COL8A1: variants seen among roughly 807,000 people sequenced by gnomAD.
COL8A1 encodes the protein collagen alpha-1(VIII) chain.
Under a neutral mutation model 42.7 loss-of-function variants are expected in COL8A1, and 21 were observed. That is an observed-to-expected ratio of 0.49 (90% confidence interval 0.35 to 0.71). COL8A1 has a LOEUF of 0.71. COL8A1 is among the 30% of genes least tolerant of loss of function. COL8A1 has a pLI of 0.01. For synonymous variants in COL8A1, 367 were observed against 369.1 expected, an observed-to-expected ratio of 0.99 and a Z score of 0.06; for missense variants, 788 against 962.4, an observed-to-expected ratio of 0.82 and a Z score of 2.40.
At chr3:99,744,627 CAA>C (rs913082899) in intron 1 of COL8A1, among the ~76,000 whole-genome samples, 1 of 152,096 alleles carries the variant, frequency 6.6e-6, no homozygotes, top group African/African-American at 2.4e-5. Flanking sequence ...GGCAAATGCC[CAA>C]AGTCTTTCCA....
intron 1 of COL8A1, among the ~76,000 whole-genome samples, chr3:99,729,346 C>T (rs964161400): frequency 4.6e-5 from 7 of 151,994 alleles, no homozygotes; most frequent in Admixed American, 4.6e-4. Flanking sequence ...AGATTTCATA[C>T]AAACTTCAGT....
intron 1 of COL8A1, among the ~76,000 whole-genome samples, chr3:99,659,155 T>C (rs34578241): frequency 0.095 from 14,474 of 152,264 alleles, 850 homozygotes; most frequent in Middle Eastern, 0.12. Context: ...CCCAGTTGCT[T>C]CACATGTAGT....
At chr3:99,789,662 C>G (rs1941962892) in intron 2 of COL8A1, among the ~76,000 whole-genome samples, 1 of 152,102 alleles carries the variant, frequency 6.6e-6, no homozygotes, top group African/African-American at 2.4e-5. Context: ...AACAGATAAG[C>G]CCCATTTATA....
chr3:99,708,115 T>G (rs1355810735), intron 1 of COL8A1, among the ~76,000 whole-genome samples: 4 of 152,134 alleles, frequency 2.6e-5, no homozygotes, highest in Non-Finnish European at 5.9e-5. Context: ...TCTGATTTCT[T>G]TTTTCTTTGG....
At chr3:99,687,142 C>T (rs540757289) in intron 1 of COL8A1, among the ~76,000 whole-genome samples, 131 of 152,314 alleles carry the variant, frequency 8.6e-4, no homozygotes, top group African/African-American at 3.0e-3. Flanking sequence ...CGGCATCCGG[C>T]CTGTAACTGT....
intron 1 of COL8A1, among the ~76,000 whole-genome samples, chr3:99,737,308 G>C (rs572843038): frequency 6.6e-6 from 1 of 152,138 alleles, no homozygotes; most frequent in Non-Finnish European, 1.5e-5. Context: ...AGTTGATGCA[G>C]TTTCTTCCTA....
chr3:99,714,869 T>C (rs1350388928), intron 1 of COL8A1, among the ~76,000 whole-genome samples: 1 of 152,134 alleles, frequency 6.6e-6, no homozygotes, highest in Non-Finnish European at 1.5e-5. Flanking sequence ...CCACTTTACA[T>C]AGGGAAAGCC....
At chr3:99,750,049 CTTTTTTTTTTTT>C (rs1176042144) in intron 2 of COL8A1, among the ~76,000 whole-genome samples, 5 of 65,962 alleles carry the variant, frequency 7.6e-5, no homozygotes, top group Non-Finnish European at 1.3e-4. Context: ...TTTTTTTCTT[CTTTTTTTTTTTT>C]TTTTTTTTTT....
At chr3:99,668,152 A>G (rs1485064655) in intron 1 of COL8A1, among the ~76,000 whole-genome samples, 2 of 152,158 alleles carry the variant, frequency 1.3e-5, no homozygotes, top group Admixed American at 1.3e-4. Context: ...AAACTTTGGC[A>G]ATGCTATTAT....
At chr3:99,790,618 T>C (rs1941982807) in intron 2 of COL8A1, 62 bp from the exon 3 acceptor site, 3 of 1,395,984 alleles carry the variant, frequency 2.1e-6, no homozygotes, top group Non-Finnish European at 3.0e-6. Context: ...TATCTCTAAA[T>C]AAACTCAAGT....
intron 1 of COL8A1, among the ~76,000 whole-genome samples, chr3:99,644,881 G>A (rs147382729): frequency 3.3e-5 from 5 of 152,284 alleles, no homozygotes; most frequent in African/African-American, 1.2e-4. Flanking sequence ...AGCTTCTCTA[G>A]TCCCCTCTGT....
Position 99,797,064 on chromosome 3 carries a change from C to T in COL8A1, c.*928C>T, listed in dbSNP as rs1198003904. The T allele has an allele frequency of 6.6e-6, 1 of 152,162 alleles. No individual in the cohort carries two copies. The allele number at this position is 152,162 out of a possible 1,614,324, so 9.4% of individuals were successfully genotyped here. A position where few individuals can be genotyped will look rare whatever the true frequency, so the allele number is the denominator to read the frequency against. On this transcript the variant is annotated 3_prime_UTR_variant, in exon 4 of 4. Transcript: ENST00000652472. ...GGAAAAAAAATTCTTCCTCTAATAA[C>T]TTTCCAAATTTGTGGAATATTTATT...
At chr3:99,730,898 T>C (rs375885223) in intron 1 of COL8A1, among the ~76,000 whole-genome samples, 2 of 152,156 alleles carry the variant, frequency 1.3e-5, no homozygotes, top group Admixed American at 6.6e-5. Context: ...TAAAGTCTTT[T>C]AAAATGCCCA....
chr3:99,736,448 T>C (rs1232381881), intron 1 of COL8A1, among the ~76,000 whole-genome samples: 4 of 152,198 alleles, frequency 2.6e-5, no homozygotes, highest in Non-Finnish European at 4.4e-5. Context: ...TAGTTACATA[T>C]GTATACATGC....
intron 1 of COL8A1, chr3:99,678,669 C>G (rs944263368): frequency 2.0e-5 from 3 of 151,978 alleles, no homozygotes; most frequent in African/African-American, 7.3e-5. Flanking sequence ...AAATCCATGA[C>G]AGAATGGTCT....
chr3:99,679,490 G>C (rs1938801466), intron 1 of COL8A1: 1 of 152,190 alleles, frequency 6.6e-6, no homozygotes, highest in East Asian at 1.9e-4. Flanking sequence ...TCCAGTCATT[G>C]TTAGACAACT....
intron 1 of COL8A1, among the ~76,000 whole-genome samples, chr3:99,664,249 AG>A (rs1272736703): frequency 2.6e-5 from 4 of 152,314 alleles, no homozygotes; most frequent in African/African-American, 9.6e-5. Flanking sequence ...TGTTTCCCCA[AG>A]GCCTGGAGCA....
chr3:99,700,670 C>T (rs1278167901), intron 1 of COL8A1, among the ~76,000 whole-genome samples: 1 of 152,130 alleles, frequency 6.6e-6, no homozygotes, highest in Non-Finnish European at 1.5e-5. Context: ...ACCACCTTTA[C>T]CAAAATCTCA....
At chr3:99,638,758 G>C (rs888411238) in intron 1 of COL8A1, 94 bp downstream of exon 1, 2 of 152,220 alleles carry the variant, frequency 1.3e-5, no homozygotes, top group African/African-American at 4.8e-5. Flanking sequence ...TTTGGTTAGA[G>C]CTGATTCTTA....
Sources: gnomAD v4.1 joint callset for allele counts (sites outside exome capture counted in the v4.1 genomes callset) on GRCh38, gnomAD v4.1.1 for gene constraint, MANE v1.5 for transcripts, NCBI Gene and HGNC (gene_info 2026-07-23, HGNC 2026-07-21) for gene names.